Variants in PDE9A observed in about 807,000 individuals in gnomAD.
PDE9A encodes phosphodiesterase 9A, also known as high affinity cGMP-specific 3',5'-cyclic phosphodiesterase 9A.
PDE9A carries 60 observed loss-of-function variants against 87.4 expected under a neutral mutation model. The ratio of observed to expected loss-of-function variants is 0.69; its 90% CI spans 0.56 to 0.85. The LOEUF (loss-of-function observed/expected upper bound fraction) is 0.85. Among genes scored for constraint, PDE9A ranks in the 40% least tolerant of loss-of-function variants. PDE9A has a pLI of 0.00. For synonymous variants in PDE9A, 272 were observed against 279.4 expected (o/e 0.97, Z 0.27); for missense variants, 665 against 779.0 (o/e 0.85, Z 1.74).
intron 15 of PDE9A, among the ~76,000 whole-genome samples, chr21:42,767,700 G>T (rs1054443298): frequency 6.6e-6 from 1 of 152,208 alleles, no homozygotes; most frequent in African/African-American, 2.4e-5. Context: ...ACACTCATTT[G>T]TGCCCGGTGC....
chr21:42,764,688 C>T (rs1037147494), intron 14 of PDE9A, among the ~76,000 whole-genome samples: 3 of 152,238 alleles, frequency 2.0e-5, no homozygotes, highest in African/African-American at 7.2e-5. Context: ...ATATGACTCT[C>T]CTCTGGGGGT....
chr21:42,677,645 CTT>C (rs3841782), intron 1 of PDE9A, among the ~76,000 whole-genome samples: 10 of 147,918 alleles, frequency 6.8e-5, no homozygotes, highest in African/African-American at 2.5e-4. Flanking sequence ...ATCCAGTTAT[CTT>C]TTTTTTTTTT....
In PDE9A at chr21:42,768,899, G is replaced by A. The variant is rs558893393; in HGVS notation, c.1462-128G>A. ...GGGTCACCTTCTCCTTGTTCTTACT[G>A]AGACACATTTGTGGTGTGGTTTGGT... On this transcript the variant is annotated intron_variant, in intron 16 of 19. Coordinates refer to ENST00000291539, the MANE Select transcript of PDE9A (RefSeq NM_002606.3). The A allele has an allele frequency of 7.4e-6, 11 of 1,491,928 alleles. No homozygotes were observed. The East Asian group carries it at 2.3e-4, about 32-fold the overall frequency. The allele number at this position is 1,491,928 out of a possible 1,614,324, so 92.4% of individuals were successfully genotyped here.
intron 1 of PDE9A, among the ~76,000 whole-genome samples, chr21:42,676,034 T>A (rs114675186): frequency 1.7e-3 from 252 of 152,154 alleles, no homozygotes; most frequent in African/African-American, 5.8e-3. Flanking sequence ...GTAGAAGGCA[T>A]CTCCTCTCTC....
intron 1 of PDE9A, among the ~76,000 whole-genome samples, chr21:42,685,082 G>C (rs531641426): frequency 1.3e-5 from 2 of 152,170 alleles, no homozygotes; most frequent in Non-Finnish European, 2.9e-5. Context: ...GAAAAGCTGC[G>C]TTGGCAGCCA....
chr21:42,765,497 G>T lies in PDE9A; in HGVS notation c.1356+3G>T. On this transcript the variant is annotated splice_donor_region_variant and intron_variant, in intron 15 of 19. Transcript: ENST00000291539. ...GCAACGAGGAGCACATGACCCTGGT[G>T]AGTGGCTTATTCTGCCTGGGTGGGC... The T allele has an allele frequency of 6.4e-7, 1 of 1,559,594 alleles. No homozygotes were observed. Among genetic ancestry groups the T allele is most frequent in the Non-Finnish European group, 8.8e-7 (1 of 1,131,070 alleles).
intron 3 of PDE9A, among the ~76,000 whole-genome samples, chr21:42,691,802 A>G (rs1486277225): frequency 6.7e-6 from 1 of 149,536 alleles, no homozygotes; most frequent in Non-Finnish European, 1.5e-5. Context: ...CAGACCCATC[A>G]TCATCACCAT....
At chr21:42,758,534 C>T (rs2055320183) in intron 10 of PDE9A, 1 of 153,238 alleles carries the variant, frequency 6.5e-6, no homozygotes, top group Admixed American at 6.5e-5. Flanking sequence ...GCCTTTCTCT[C>T]TGTGATGCCA....
rs958834510 is a variant in PDE9A at position 42,739,298 on chromosome 21, C to T, written c.569-4478C>T. ...CCTCTCAGGCTTGAGGCCCCCCGCC[C>T]CACAGGACTGGCCCGCTCCTCCCTC... On this transcript the variant is annotated intron_variant, in intron 7 of 19. Transcript: ENST00000291539. This position sits in a 1 kb window ranked among gnomAD's most constrained non-coding sequence, Gnocchi z 4.1. Among the ~76,000 whole-genome samples the T allele has an allele frequency of 6.6e-6, 1 of 152,222 alleles. No homozygotes were observed. Among genetic ancestry groups the T allele is most frequent in the Non-Finnish European group, 1.5e-5 (1 of 68,040 alleles).
Position 42,716,427 on chromosome 21 carries a change from G to C in PDE9A, c.263-15343G>C, listed in dbSNP as rs1291607854. Among the ~76,000 whole-genome samples the C allele has an allele frequency of 4.6e-5, 7 of 151,704 alleles. No individual in the cohort carries two copies. In the East Asian group the frequency reaches 5.8e-4, roughly 12 times the overall value. ...CAGTGTCTTGGATTTTCACCACTCTGATAGGTGTATTGCAGTATCTTCTTC... is the reference window on the plus strand; with the variant it reads ...CAGTGTCTTGGATTTTCACCACTCTCATAGGTGTATTGCAGTATCTTCTTC... On this transcript the variant is annotated intron_variant, in intron 4 of 19. Coordinates refer to ENST00000291539, the MANE Select transcript of PDE9A (RefSeq NM_002606.3).
intron 15 of PDE9A, among the ~76,000 whole-genome samples, chr21:42,765,785 G>A (rs1276717835): frequency 2.0e-5 from 3 of 152,180 alleles, no homozygotes; most frequent in Admixed American, 6.5e-5. Flanking sequence ...CTGCTTTCCA[G>A]AGAATAAAAC....
At chr21:42,752,604 A>G (rs34266620) in intron 9 of PDE9A, among the ~76,000 whole-genome samples, 7,431 of 152,294 alleles carry the variant, frequency 0.049, 211 homozygotes, top group Middle Eastern at 0.068. Context: ...GCCTTTTTCC[A>G]TTGGAAAATA....
At chr21:42,687,530 C>A (rs1488267792) in intron 2 of PDE9A, among the ~76,000 whole-genome samples, 8 of 152,124 alleles carry the variant, frequency 5.3e-5, no homozygotes, top group Non-Finnish European at 1.5e-5. Flanking sequence ...GAGACTTGCG[C>A]AGTTCAGACG....
chr21:42,745,727 C>G (rs761066767), intron 8 of PDE9A, among the ~76,000 whole-genome samples: 5 of 152,240 alleles, frequency 3.3e-5, no homozygotes, highest in Non-Finnish European at 7.3e-5. Flanking sequence ...GTGGTGCTGC[C>G]TGGCAGGGTT....
At chr21:42,686,346 C>A in intron 2 of PDE9A, 84 bp downstream of exon 2, 5 of 1,067,412 alleles carry the variant, frequency 4.7e-6, no homozygotes, top group South Asian at 2.5e-5. Flanking sequence ...CGGGAAGAGG[C>A]GCTGAAGGGC....
At chr21:42,669,465 C>T (rs980027750) in intron 1 of PDE9A, among the ~76,000 whole-genome samples, 1 of 152,210 alleles carries the variant, frequency 6.6e-6, no homozygotes, top group Non-Finnish European at 1.5e-5. Context: ...CCCTCAAATC[C>T]TTCCACTTAA....
At chr21:42,721,681 G>C (rs755466052) in intron 4 of PDE9A, among the ~76,000 whole-genome samples, 1 of 152,146 alleles carries the variant, frequency 6.6e-6, no homozygotes, top group Non-Finnish European at 1.5e-5. Context: ...GGTCAGGAGA[G>C]AGCAAAAGTG....
Position 42,775,344 on chromosome 21 carries a change from G to C in PDE9A, c.*51G>C, listed in dbSNP as rs201154080. The stretch of plus-strand genomic sequence containing the variant: ...TCTGGACGGGCTGGCCGAGCTGCGC[G>C]GGATCCTTGTGCAGGGAAGAGCTGC... On this transcript the variant is annotated 3_prime_UTR_variant, in exon 20 of 20. Coordinates refer to ENST00000291539, the MANE Select transcript of PDE9A (RefSeq NM_002606.3). 7 of 1,587,238 alleles carry C rather than the reference G, an allele frequency of 4.4e-6. No homozygotes were observed. Among genetic ancestry groups the C allele is most frequent in the South Asian group, 2.3e-5 (2 of 88,080 alleles).
chr21:42,668,898 A>ACCCCCCCCCCCCCCCTCCCCCC (rs375148519), intron 1 of PDE9A, among the ~76,000 whole-genome samples: 5 of 104,784 alleles, frequency 4.8e-5, no homozygotes, highest in African/African-American at 2.3e-4. Flanking sequence ...TGCTCCCTCC[A>ACCCCCCCCCCCCCCCTCCCCCC]CCCCCCGCCA....
Sources: gnomAD v4.1 joint callset for allele counts (sites outside exome capture counted in the v4.1 genomes callset) on GRCh38, gnomAD v4.1.1 for gene constraint, Gnocchi (gnomAD v3.1) non-coding constraint, MANE v1.5 for transcripts, NCBI Gene and HGNC (gene_info 2026-07-23, HGNC 2026-07-21) for gene names.